The following GPRASP3 variants were observed in gnomAD, a reference collection of about 807,000 sequenced individuals.
The protein encoded by GPRASP3 is G protein-coupled receptor associated sorting protein family member 3, also known as G protein-coupled receptor associated sorting protein 3.
the GPRASP3 span, chrX:102,750,254 C>T: frequency 1.3e-5 from 15 of 1,198,810 alleles, no homozygotes; most frequent in South Asian, 1.8e-5. Flanking sequence ...TTGAACTCAC[C>T]GGGACAGCAA....
At chrX:102,735,768 T>C in the GPRASP3 span, among the ~76,000 whole-genome samples, 1 of 112,762 alleles carries the variant, frequency 8.9e-6, no homozygotes, top group African/African-American at 3.2e-5. Flanking sequence ...CCCTCAGATG[T>C]TTCCTATCTA....
chrX:102,740,294 C>CAG, the GPRASP3 span, among the ~76,000 whole-genome samples: 1 of 110,877 alleles, frequency 9.0e-6, no homozygotes, highest in Non-Finnish European at 1.9e-5. Context: ...GAGAGACTGA[C>CAG]AGAGAGAGAG....
chrX:102,749,255 A>T, the GPRASP3 span: 1 of 1,209,443 alleles, frequency 8.3e-7, no homozygotes, highest in Non-Finnish European at 1.1e-6. Flanking sequence ...GCCATGGGAG[A>T]TTTCACTCCC....
the GPRASP3 span, among the ~76,000 whole-genome samples, chrX:102,735,071 C>G: frequency 8.9e-6 from 1 of 112,000 alleles, no homozygotes; most frequent in Non-Finnish European, 1.9e-5. Context: ...ACTTAGCCAA[C>G]CTATAGTTTA....
At chrX:102,728,872 C>T in the GPRASP3 span, among the ~76,000 whole-genome samples, 2 of 111,764 alleles carry the variant, frequency 1.8e-5, no homozygotes, top group African/African-American at 6.5e-5. Flanking sequence ...ACAGAATCAA[C>T]AACATTTCTT....
the GPRASP3 span, chrX:102,749,629 A>G: frequency 3.3e-6 from 4 of 1,210,109 alleles, no homozygotes; most frequent in Non-Finnish European, 4.5e-6. Flanking sequence ...AAATAGGCCC[A>G]AGGACTGGTC....
chrX:102,748,974 G>A, the GPRASP3 span: 1 of 1,190,392 alleles, frequency 8.4e-7, no homozygotes, highest in Non-Finnish European at 1.1e-6. Context: ...ACTGGACAGG[G>A]CCATATAACT....
the GPRASP3 span, among the ~76,000 whole-genome samples, chrX:102,736,414 T>C: frequency 1.8e-5 from 2 of 111,945 alleles, no homozygotes; most frequent in Non-Finnish European, 3.8e-5. Flanking sequence ...AGTTGTAAGA[T>C]TTTTCATTTG....
At chrX:102,734,565 C>T in the GPRASP3 span, among the ~76,000 whole-genome samples, 2 of 111,171 alleles carry the variant, frequency 1.8e-5, no homozygotes, top group East Asian at 2.8e-4. Flanking sequence ...TGCAGTGAGC[C>T]GAGATTGGGC....
the GPRASP3 span, among the ~76,000 whole-genome samples, chrX:102,737,699 G>A: frequency 9.0e-6 from 1 of 111,557 alleles, no homozygotes; most frequent in Non-Finnish European, 1.9e-5. Context: ...CCATTTCATG[G>A]AAACTTTGAA....
At chrX:102,739,653 G>A in the GPRASP3 span, among the ~76,000 whole-genome samples, 1 of 111,594 alleles carries the variant, frequency 9.0e-6, no homozygotes, top group African/African-American at 3.3e-5. Context: ...GCACTATGCA[G>A]GCAGACAAGC....
At chrX:102,723,912 GT>G in the GPRASP3 span, among the ~76,000 whole-genome samples, 1 of 111,830 alleles carries the variant, frequency 8.9e-6, no homozygotes, top group African/African-American at 3.3e-5. Context: ...GAGCTTCTTG[GT>G]TGGTGAACAT....
At chrX:102,729,877 A>C in the GPRASP3 span, among the ~76,000 whole-genome samples, 4 of 111,607 alleles carry the variant, frequency 3.6e-5, no homozygotes, top group Non-Finnish European at 7.5e-5. Context: ...TTATCAGTAG[A>C]CTGGACACAG....
the GPRASP3 span, among the ~76,000 whole-genome samples, chrX:102,724,828 G>T: frequency 9.1e-6 from 1 of 109,646 alleles, no homozygotes; most frequent in Non-Finnish European, 1.9e-5. Context: ...TTTTTCTGGG[G>T]TGTAGTTGAA....
At chrX:102,732,646 T>TA in the GPRASP3 span, among the ~76,000 whole-genome samples, 1 of 112,316 alleles carries the variant, frequency 8.9e-6, no homozygotes, top group Non-Finnish European at 1.9e-5. Flanking sequence ...GTGATTTTTT[T>TA]AAAAATTATG....
chrX:102,749,652 C>T, the GPRASP3 span: 1 of 1,209,780 alleles, frequency 8.3e-7, no homozygotes, highest in East Asian at 3.0e-5. Context: ...AGGTAACTAT[C>T]TGGCCCAATG....
the GPRASP3 span, among the ~76,000 whole-genome samples, chrX:102,721,926 C>T: frequency 8.9e-6 from 1 of 111,746 alleles, no homozygotes; most frequent in Non-Finnish European, 1.9e-5. Flanking sequence ...TCCCCCTACC[C>T]CATGCACCCA....
the GPRASP3 span, chrX:102,748,937 T>C: frequency 9.0e-7 from 1 of 1,116,870 alleles, no homozygotes; most frequent in Non-Finnish European, 1.2e-6. Context: ...GACTTCGACC[T>C]AGGACACATT....
the GPRASP3 span, among the ~76,000 whole-genome samples, chrX:102,730,751 G>A: frequency 9.0e-6 from 1 of 111,104 alleles, no homozygotes; most frequent in Non-Finnish European, 1.9e-5. Context: ...CTTTACATAA[G>A]GTAAGGAAAA....
Sources: allele counts gnomAD v4.1 joint callset (sites outside exome capture counted in the v4.1 genomes callset), GRCh38; gene constraint gnomAD v4.1.1; transcripts MANE v1.5; gene names NCBI Gene and HGNC (gene_info 2026-07-23, HGNC 2026-07-21).